The following PAK5 variants were observed in gnomAD, a reference collection of about 807,000 sequenced individuals.
PAK5 encodes the protein p21 (RAC1) activated kinase 5, also known as serine/threonine-protein kinase PAK 5.
In PAK5, 16 loss-of-function variants were observed where a neutral mutation model predicts 65.9. The observed-to-expected ratio is 0.24, with a 90% CI of 0.16 to 0.37. The LOEUF (loss-of-function observed/expected upper bound fraction) is 0.37, where lower values mean the gene tolerates loss of function less well. PAK5 is among the 10% of genes least tolerant of loss of function. PAK5 has a pLI of 1.00. For missense variants in PAK5, 785 were observed against 903.9 expected (o/e 0.87, Z 1.69); for synonymous variants, 371 against 354.9 (o/e 1.05, Z -0.51).
At chr20:9,733,002 G>T (rs769771290) in intron 1 of PAK5, among the ~76,000 whole-genome samples, 11 of 150,492 alleles carry the variant, frequency 7.3e-5, no homozygotes, top group Non-Finnish European at 1.3e-4. Flanking sequence ...ATAACACTTT[G>T]TTTGTATTTT....
At chr20:9,728,863 T>C (rs1439034485) in intron 1 of PAK5, among the ~76,000 whole-genome samples, 1 of 152,098 alleles carries the variant, frequency 6.6e-6, no homozygotes, top group Non-Finnish European at 1.5e-5. Flanking sequence ...CGGAATTAAG[T>C]CGTAGTGACA....
chr20:9,733,107 C>G (rs1429425793), intron 1 of PAK5, among the ~76,000 whole-genome samples: 1 of 152,156 alleles, frequency 6.6e-6, no homozygotes, highest in African/African-American at 2.4e-5. Flanking sequence ...TGGCTAGGGA[C>G]TGGATAGTGA....
intron 4 of PAK5, among the ~76,000 whole-genome samples, chr20:9,576,348 T>TAACTGGGCCAAGTTTGCCCTC (rs1555898427): frequency 6.6e-6 from 1 of 152,156 alleles, no homozygotes; most frequent in Non-Finnish European, 1.5e-5. Flanking sequence ...CAGTTGTCCT[T>TAACTGGGCCAAGTTTGCCCTC]AACTGGGCCA....
chr20:9,578,997 G>A (rs2045933835), intron 4 of PAK5, among the ~76,000 whole-genome samples: 1 of 152,110 alleles, frequency 6.6e-6, no homozygotes, highest in Non-Finnish European at 1.5e-5. Context: ...TTCTTCTAAA[G>A]AATGGCTGAA....
chr20:9,633,577 T>C (rs2046949071), intron 3 of PAK5, among the ~76,000 whole-genome samples: 1 of 152,264 alleles, frequency 6.6e-6, no homozygotes, highest in Non-Finnish European at 1.5e-5. Context: ...CTCTTGATTT[T>C]GGTCAGGCCT....
At position 9,838,887 on chromosome 20, in the gene PAK5, C is replaced by G. The variant is rs1400455319; in HGVS notation, c.-287G>C. 6.7e-6 allele frequency: 1 copy of G among 148,510 alleles called. No individual in the cohort carries two copies. Among genetic ancestry groups the G allele is most frequent in the East Asian group, 2.1e-4 (1 of 4,834 alleles). The allele number at this position is 148,510 out of a possible 1,614,324, so 9.2% of individuals were successfully genotyped here. A position where few individuals can be genotyped will look rare whatever the true frequency, so the allele number is the denominator to read the frequency against. Reference sequence around the variant, plus strand: ...GGAACTACTACTGGCTGGGTAGGGGCAAGGGGGGCGGGGGCCAGCGGGAGG... The same window carrying G: ...GGAACTACTACTGGCTGGGTAGGGGGAAGGGGGGCGGGGGCCAGCGGGAGG... On this transcript the variant is annotated 5_prime_UTR_variant, in exon 1 of 10. Transcript: ENST00000353224. The surrounding 1 kb of genome is among the most constrained non-coding windows in gnomAD (Gnocchi z 4.5).
chr20:9,588,481 T>C (rs2046109520), intron 3 of PAK5, among the ~76,000 whole-genome samples: 1 of 152,192 alleles, frequency 6.6e-6, no homozygotes, highest in African/African-American at 2.4e-5. Flanking sequence ...TAAAAACAAA[T>C]TAGTGCCCCA....
intron 1 of PAK5, among the ~76,000 whole-genome samples, chr20:9,798,576 G>C (rs2123730895): frequency 6.6e-6 from 1 of 152,290 alleles, no homozygotes; most frequent in East Asian, 1.9e-4. Flanking sequence ...CTTAAAGCCT[G>C]TGCAGTTAGT....
chr20:9,803,785 A>G (rs1168205571), intron 1 of PAK5, among the ~76,000 whole-genome samples: 1 of 152,208 alleles, frequency 6.6e-6, no homozygotes, highest in African/African-American at 2.4e-5. Flanking sequence ...TCACTTTTCC[A>G]TCAAGCACTC....
chr20:9,593,128 C>CT (rs987532661), intron 3 of PAK5, among the ~76,000 whole-genome samples: 12 of 150,778 alleles, frequency 8.0e-5, no homozygotes, highest in East Asian at 1.9e-4. Context: ...AGCTAGATCC[C>CT]TTTTTTTTTC....
intron 7 of PAK5, among the ~76,000 whole-genome samples, chr20:9,550,218 G>T (rs2045405224): frequency 6.6e-6 from 1 of 152,194 alleles, no homozygotes; most frequent in African/African-American, 2.4e-5. Flanking sequence ...GCACAAGCCT[G>T]TGATTGGGAC....
Position 9,580,781 on chromosome 20 carries a change from G to C in PAK5, c.354C>G (p.Gly118=). Residue 118 remains glycine, a synonymous_variant, in exon 4 of 10, where the codon GGC becomes GGG. Coordinates refer to ENST00000353224, the MANE Select transcript of PAK5 (RefSeq NM_177990.4). ...PDQGASSHGP[G]HAEENGFITF... is the part of the protein sequence containing the mutation. ...TGATGAAGCCATTTTCTTCCGCGTG[G>C]CCTGGACCGTGGCTGGAGGCTCCCT... 6.2e-7 allele frequency: 1 copy of C among 1,613,984 alleles called. No individual in the cohort carries two copies. The highest frequency in any genetic ancestry group is 8.5e-7 in the Non-Finnish European group (1 of 1,179,990).
intron 1 of PAK5, among the ~76,000 whole-genome samples, chr20:9,769,379 A>T (rs545667021): frequency 1.3e-5 from 2 of 152,354 alleles, no homozygotes; most frequent in African/African-American, 4.8e-5. Flanking sequence ...GTTCCTCTAC[A>T]TCCCTGCCAG....
Position 9,617,942 on chromosome 20 carries a change from C to A in PAK5, c.204+26183G>T, listed in dbSNP as rs546597869. Reference sequence around the variant, plus strand: ...GTTTACATGAGGTTTGTTGTCAAAGCATCAAAGATACCTTTAAGCCTCTAA... The same window carrying A: ...GTTTACATGAGGTTTGTTGTCAAAGAATCAAAGATACCTTTAAGCCTCTAA... On this transcript the variant is annotated intron_variant, in intron 3 of 9. Transcript: ENST00000353224. 2.0e-5 allele frequency among the ~76,000 whole-genome samples: 3 copies of A among 152,228 alleles called. No individual in the cohort carries two copies. In the South Asian group the frequency reaches 6.2e-4, roughly 32 times the overall value.
intron 7 of PAK5, among the ~76,000 whole-genome samples, chr20:9,547,400 A>G (rs903723575): frequency 1.1e-4 from 17 of 152,216 alleles, no homozygotes; most frequent in African/African-American, 4.1e-4. Context: ...ACTACCTGCC[A>G]GGTAACACTT....
intron 1 of PAK5, among the ~76,000 whole-genome samples, chr20:9,726,090 T>C (rs1275388448): frequency 6.6e-6 from 1 of 152,124 alleles, no homozygotes; most frequent in East Asian, 1.9e-4. Flanking sequence ...CAAGGTATTA[T>C]AGAGGTGGGG....
At chr20:9,816,944 G>A (rs1217564259) in intron 1 of PAK5, among the ~76,000 whole-genome samples, 1 of 151,964 alleles carries the variant, frequency 6.6e-6, no homozygotes, top group African/African-American at 2.4e-5. Context: ...GCTGAGACCT[G>A]GTATTTATTT....
In PAK5 at chr20:9,566,300, G is replaced by T. The variant is rs2123000921; in HGVS notation, c.1075C>A (p.Gln359Lys). The change falls in exon 5 of 10, where the codon CAA (glutamine) becomes AAA (lysine). Residue 359 changes from glutamine to lysine, a missense_variant. Coordinates refer to ENST00000353224, the MANE Select transcript of PAK5 (RefSeq NM_177990.4). ...TYPRGPAKLP[Q>K]SQSKSGYSSS... ...GAATAGCCCGATTTGCTTTGACTTT[G>T]AGGTAGTTTGGCAGGGCCCCTGGGG... 1.2e-6 allele frequency: 2 copies of T among 1,613,822 alleles called. No homozygotes were observed. The highest frequency in any genetic ancestry group is 1.7e-6 in the Non-Finnish European group (2 of 1,180,000).
At chr20:9,776,376 G>A (rs1197035226) in intron 1 of PAK5, among the ~76,000 whole-genome samples, 1 of 152,188 alleles carries the variant, frequency 6.6e-6, no homozygotes, top group Non-Finnish European at 1.5e-5. Context: ...TGATGTAAGT[G>A]TAAGCAGTAA....
Sources: gnomAD v4.1 joint callset for allele counts (sites outside exome capture counted in the v4.1 genomes callset) on GRCh38, gnomAD v4.1.1 for gene constraint, Gnocchi (gnomAD v3.1) non-coding constraint, MANE v1.5 for transcripts, NCBI Gene and HGNC (gene_info 2026-07-23, HGNC 2026-07-21) for gene names.